The following MGAT4C variants were observed in gnomAD, a reference collection of about 807,000 sequenced individuals.
MGAT4C encodes alpha-1,3-mannosyl-glycoprotein 4-beta-N-acetylglucosaminyltransferase C.
MGAT4C carries 19 observed loss-of-function variants against 40.1 expected under a neutral mutation model. The observed-to-expected ratio is 0.47, with a 90% CI of 0.33 to 0.70. The LOEUF (loss-of-function observed/expected upper bound fraction) is 0.70. Ranked by LOEUF, MGAT4C falls within the 30% of genes least tolerant of loss-of-function variation. The probability of loss-of-function intolerance (pLI) is 0.02; values close to 1 mark genes in which losing one functional copy is unlikely to be tolerated. For missense variants in MGAT4C, 491 were observed against 563.2 expected (o/e 0.87, Z 1.30); for synonymous variants, 181 against 187.1 (o/e 0.97, Z 0.27).
chr12:86,605,784 G>A (rs912230411), intron 2 of MGAT4C, among the ~76,000 whole-genome samples: 4 of 152,068 alleles, frequency 2.6e-5, no homozygotes, highest in Non-Finnish European at 5.9e-5. Context: ...ATCTCAAGCA[G>A]TTATTTTTTT....
chr12:86,413,177 T>G (rs913750071), intron 3 of MGAT4C, among the ~76,000 whole-genome samples: 1 of 151,966 alleles, frequency 6.6e-6, no homozygotes, highest in African/African-American at 2.4e-5. Context: ...GTACTTAGAA[T>G]AAGAATGGAG....
chr12:86,782,342 C>T (rs977822068), intron 1 of MGAT4C, among the ~76,000 whole-genome samples: 18 of 151,704 alleles, frequency 1.2e-4, no homozygotes, highest in African/African-American at 3.9e-4. Flanking sequence ...CCACTACGCC[C>T]GGCTAATTTT....
At chr12:86,588,377 A>G (rs1027505982) in intron 2 of MGAT4C, among the ~76,000 whole-genome samples, 259 of 152,096 alleles carry the variant, frequency 1.7e-3, no homozygotes, top group African/African-American at 5.9e-3. Flanking sequence ...TATGCACCCA[A>G]TACAGGAGCA....
intron 2 of MGAT4C, among the ~76,000 whole-genome samples, chr12:86,574,955 C>T (rs1005861709): frequency 6.6e-6 from 1 of 151,642 alleles, no homozygotes; most frequent in East Asian, 1.9e-4. Flanking sequence ...TGAAATATAC[C>T]AGTATGCTAA....
chr12:86,503,374 CATATATATATATGAGTTCTGCTCAT>C (rs1592926707), intron 2 of MGAT4C, among the ~76,000 whole-genome samples: 2 of 9,864 alleles, frequency 2.0e-4, no homozygotes, highest in Non-Finnish European at 3.1e-4. Context: ...GAGTTCTGCT[CATATATATATATGAGTTCTGCTCAT>C]ATATATATAT....
Position 86,682,028 on chromosome 12 carries a change from C to A in MGAT4C, c.-229+45181G>T, listed in dbSNP as rs17014121. Among the ~76,000 whole-genome samples the A allele has an allele frequency of 2.8e-3, 418 of 151,986 alleles. 3 individuals are homozygous for A. The highest frequency in any genetic ancestry group is 9.9e-3 in the African/African-American group (409 of 41,466). On this transcript the variant is annotated intron_variant, in intron 2 of 7. Coordinates refer to the MGAT4C transcript ENST00000548651. ...ATGCACAAAATGGCCATTAGAGCAC[C>A]CCAAAGTAATCTCCAGTGGATTGTG...
At chr12:86,523,987 T>C (rs1396144653) in intron 2 of MGAT4C, among the ~76,000 whole-genome samples, 1 of 152,160 alleles carries the variant, frequency 6.6e-6, no homozygotes, top group Admixed American at 6.6e-5. Flanking sequence ...TTATTGTATG[T>C]GAGATGAGTC....
intron 1 of MGAT4C, among the ~76,000 whole-genome samples, chr12:86,826,722 T>C (rs1458335810): frequency 6.6e-6 from 1 of 151,274 alleles, no homozygotes; most frequent in Non-Finnish European, 1.5e-5. Context: ...TGATTCTCCT[T>C]AGGCCAATAT....
At chr12:86,704,181 T>G (rs758931692) in intron 2 of MGAT4C, among the ~76,000 whole-genome samples, 4 of 152,140 alleles carry the variant, frequency 2.6e-5, no homozygotes, top group Non-Finnish European at 5.9e-5. Flanking sequence ...TATGAAAAGG[T>G]TATTATCCCA....
intron 2 of MGAT4C, among the ~76,000 whole-genome samples, chr12:86,546,094 C>G (rs189298642): frequency 7.2e-5 from 11 of 152,036 alleles, no homozygotes; most frequent in African/African-American, 2.6e-4. Context: ...TCATAGTTCT[C>G]TTTCGATCAC....
chr12:86,168,173 G>A (rs942336406), intron 1 of MGAT4C, among the ~76,000 whole-genome samples: 16 of 152,064 alleles, frequency 1.1e-4, no homozygotes, highest in Admixed American at 6.6e-4. Flanking sequence ...AATCCCTTTT[G>A]TTCAAGTACA....
intron 2 of MGAT4C, among the ~76,000 whole-genome samples, chr12:86,721,501 T>C (rs1950735714): frequency 6.6e-6 from 1 of 152,108 alleles, no homozygotes; most frequent in South Asian, 2.1e-4. Flanking sequence ...TCTTATCCAC[T>C]TTCCTCTCTT....
chr12:86,117,035 T>C (rs939533200), intron 1 of MGAT4C, among the ~76,000 whole-genome samples: 1 of 152,116 alleles, frequency 6.6e-6, no homozygotes, highest in Non-Finnish European at 1.5e-5. Flanking sequence ...TGAGACGCTA[T>C]ATTTGATAAT....
chr12:86,689,430 T>C (rs912779237), intron 2 of MGAT4C, among the ~76,000 whole-genome samples: 41 of 152,136 alleles, frequency 2.7e-4, no homozygotes, highest in African/African-American at 9.7e-4. Flanking sequence ...TTCTTGTTTT[T>C]TCCTCATCTA....
intron 2 of MGAT4C, among the ~76,000 whole-genome samples, chr12:86,608,995 T>TA (rs1223586813): frequency 6.6e-6 from 1 of 151,680 alleles, no homozygotes; most frequent in African/African-American, 2.4e-5. Flanking sequence ...GCATAGAGAA[T>TA]AAAAAAATAA....
At chr12:86,739,187 G>T in intron 1 of MGAT4C, among the ~76,000 whole-genome samples, 1 of 101,362 alleles carries the variant, frequency 9.9e-6, no homozygotes, top group East Asian at 2.8e-4. Context: ...TGAGACAAAA[G>T]CTTTTTGGAA....
chr12:86,061,481 T>G (rs954601016), intron 1 of MGAT4C, among the ~76,000 whole-genome samples: 4 of 151,912 alleles, frequency 2.6e-5, no homozygotes, highest in African/African-American at 4.8e-5. Context: ...TTTGTTTTTT[T>G]TTTTCCATGC....
chr12:86,219,247 T>C (rs1446564441), intron 1 of MGAT4C, among the ~76,000 whole-genome samples: 1 of 152,170 alleles, frequency 6.6e-6, no homozygotes, highest in Non-Finnish European at 1.5e-5. Flanking sequence ...ATGGAGAACC[T>C]TAATGGCTGC....
At chr12:86,747,642 TTA>T (rs1951171538) in intron 1 of MGAT4C, among the ~76,000 whole-genome samples, 1 of 151,656 alleles carries the variant, frequency 6.6e-6, no homozygotes, top group Admixed American at 6.6e-5. Context: ...TAGTTTTCTC[TTA>T]GTTAATATAA....
Sources: allele counts gnomAD v4.1 joint callset (sites outside exome capture counted in the v4.1 genomes callset), GRCh38; gene constraint gnomAD v4.1.1; transcripts MANE v1.5; gene names NCBI Gene and HGNC (gene_info 2026-07-23, HGNC 2026-07-21).